Variants in RBFOX1 observed in about 807,000 individuals in gnomAD.
RBFOX1 encodes the protein RNA binding protein fox-1 homolog 1.
RBFOX1 carries 8 observed loss-of-function variants against 57.7 expected under a neutral mutation model. That is an observed-to-expected ratio of 0.14 (90% CI 0.08 to 0.25). The LOEUF (loss-of-function observed/expected upper bound fraction) is 0.25, where lower values mean the gene tolerates loss of function less well. Ranked by LOEUF, RBFOX1 falls within the 10% of genes least tolerant of loss-of-function variation. The pLI, the probability that RBFOX1 is intolerant of heterozygous loss-of-function variation, is 1.00. For missense variants in RBFOX1, 611 were observed against 548.5 expected, an observed-to-expected ratio of 1.11 and a Z score of -1.14; for synonymous variants, 326 against 222.4, an observed-to-expected ratio of 1.47 and a Z score of -4.15.
At chr16:6,923,169 C>A (rs117881286) in intron 3 of RBFOX1, among the ~76,000 whole-genome samples, 3 of 152,118 alleles carry the variant, frequency 2.0e-5, no homozygotes, top group South Asian at 2.1e-4. Flanking sequence ...AGAATAAATA[C>A]CCTGGTCCCT....
chr16:6,571,678 G>C (rs569646071), intron 2 of RBFOX1, among the ~76,000 whole-genome samples: 1 of 152,240 alleles, frequency 6.6e-6, no homozygotes, highest in African/African-American at 2.4e-5. Context: ...CATGCCTCCT[G>C]AGATCCATTG....
intron 4 of RBFOX1, among the ~76,000 whole-genome samples, chr16:7,204,093 T>C (rs529717356): frequency 3.3e-4 from 50 of 152,366 alleles, no homozygotes; most frequent in African/African-American, 1.2e-3. Flanking sequence ...GCTACAACTC[T>C]AATCCATGGG....
At chr16:6,031,713 G>A (rs111715600) in intron 1 of RBFOX1, among the ~76,000 whole-genome samples, 54 of 152,346 alleles carry the variant, frequency 3.5e-4, no homozygotes, top group African/African-American at 1.3e-3. Context: ...CGAACAGTAT[G>A]ACAGTGGGGA....
At chr16:7,145,744 T>C (rs959159410) in intron 4 of RBFOX1, among the ~76,000 whole-genome samples, 1 of 152,188 alleles carries the variant, frequency 6.6e-6, no homozygotes, top group African/African-American at 2.4e-5. Context: ...CCCAGTGGTA[T>C]GGCCCTGTAT....
chr16:5,797,091 G>T (rs1360397023), intron 3 of RBFOX1, among the ~76,000 whole-genome samples: 1 of 152,174 alleles, frequency 6.6e-6, no homozygotes, highest in African/African-American at 2.4e-5. Context: ...GATGGGGATG[G>T]TGAGGTCATC....
intron 4 of RBFOX1, among the ~76,000 whole-genome samples, chr16:5,950,475 C>T (rs2059497351): frequency 1.3e-5 from 2 of 152,188 alleles, no homozygotes; most frequent in South Asian, 2.1e-4. Flanking sequence ...TTTTCATTAT[C>T]TGGTATTCTG....
chr16:5,684,950 G>A (rs369468182), intron 3 of RBFOX1, among the ~76,000 whole-genome samples: 7 of 152,282 alleles, frequency 4.6e-5, no homozygotes, highest in Middle Eastern at 3.4e-3. Context: ...TTATCTCCCA[G>A]GCACAGATAG....
chr16:6,358,302 C>T (rs888457869), intron 2 of RBFOX1, among the ~76,000 whole-genome samples: 1 of 152,148 alleles, frequency 6.6e-6, no homozygotes, highest in East Asian at 1.9e-4. Flanking sequence ...ACCCCTCCTC[C>T]AAAATCAATT....
At chr16:6,069,892 C>G (rs907861985) in intron 1 of RBFOX1, among the ~76,000 whole-genome samples, 7 of 152,056 alleles carry the variant, frequency 4.6e-5, no homozygotes, top group African/African-American at 1.7e-4. Context: ...GAGGCTGAGG[C>G]AGGAGAATCA....
intron 4 of RBFOX1, among the ~76,000 whole-genome samples, chr16:7,061,038 G>GTGTGTGTGTA (rs1404778406): frequency 1.3e-5 from 2 of 151,906 alleles, no homozygotes; most frequent in African/African-American, 4.8e-5. Context: ...GTGTGTGTGT[G>GTGTGTGTGTA]TACGTGCACG....
At chr16:7,496,264 T>TC (rs942206756) in intron 4 of RBFOX1, among the ~76,000 whole-genome samples, 4 of 152,202 alleles carry the variant, frequency 2.6e-5, no homozygotes, top group African/African-American at 9.7e-5. Context: ...TGCCTCAGCC[T>TC]CCCAAGTAGC....
At chr16:7,493,386 G>C (rs1406137721) in intron 4 of RBFOX1, among the ~76,000 whole-genome samples, 2 of 152,168 alleles carry the variant, frequency 1.3e-5, no homozygotes, top group African/African-American at 4.8e-5. Flanking sequence ...AATAGACTCA[G>C]TAACGCCCAC....
At chr16:7,418,863 G>C (rs1435671970) in intron 4 of RBFOX1, among the ~76,000 whole-genome samples, 3 of 131,466 alleles carry the variant, frequency 2.3e-5, no homozygotes, top group Non-Finnish European at 4.8e-5. Context: ...GACTCTTCCA[G>C]AGCCACTAAG....
chr16:6,369,580 G>C (rs567217634), intron 2 of RBFOX1, among the ~76,000 whole-genome samples: 1 of 152,142 alleles, frequency 6.6e-6, no homozygotes, highest in South Asian at 2.1e-4. Flanking sequence ...TGTCCTCGAG[G>C]GCTGGTAGGA....
intron 4 of RBFOX1, among the ~76,000 whole-genome samples, chr16:7,455,611 G>C (rs951070709): frequency 6.6e-6 from 1 of 151,462 alleles, no homozygotes; most frequent in African/African-American, 2.4e-5. Flanking sequence ...AGGCAACGTG[G>C]TGAAATCCCA....
chr16:6,709,007 T>C (rs1861040), intron 3 of RBFOX1, among the ~76,000 whole-genome samples: 147,991 of 151,954 alleles, frequency 0.97, 72,203 homozygotes, highest in East Asian at 1. Flanking sequence ...TTTTATTCCC[T>C]GACTGTGCCT....
intron 2 of RBFOX1, among the ~76,000 whole-genome samples, chr16:6,636,930 TAAATATACATA>T (rs538094775): frequency 0.032 from 3,790 of 118,204 alleles, 209 homozygotes; most frequent in African/African-American, 0.13. Flanking sequence ...AAATTATGTA[TAAATATACATA>T]AAATATACAT....
At chr16:5,878,668 T>C (rs1421936261) in intron 4 of RBFOX1, among the ~76,000 whole-genome samples, 1 of 152,006 alleles carries the variant, frequency 6.6e-6, no homozygotes, top group African/African-American at 2.4e-5. Context: ...GATATCCCAC[T>C]TACCTCACCG....
intron 3 of RBFOX1, among the ~76,000 whole-genome samples, chr16:6,864,527 C>T (rs1364928395): frequency 6.6e-6 from 1 of 150,558 alleles, no homozygotes; most frequent in Non-Finnish European, 1.5e-5. Flanking sequence ...AGTTTTAAAC[C>T]CCCCTATTCT....
Sources: allele counts gnomAD v4.1 joint callset (sites outside exome capture counted in the v4.1 genomes callset), GRCh38; gene constraint gnomAD v4.1.1; transcripts MANE v1.5; gene names NCBI Gene and HGNC (gene_info 2026-07-23, HGNC 2026-07-21).